The following IFT74 variants were observed in gnomAD, a reference collection of about 807,000 sequenced individuals.
IFT74 encodes intraflagellar transport protein 74 homolog.
Under a neutral mutation model 96.7 loss-of-function variants are expected in IFT74, and 92 were observed. That is an observed-to-expected ratio of 0.95 (90% CI 0.80 to 1.13). The LOEUF (loss-of-function observed/expected upper bound fraction) is 1.13. Among genes scored for constraint, IFT74 ranks in the 50% most tolerant of loss-of-function variants. The pLI, the probability that IFT74 is intolerant of heterozygous loss-of-function variation, is 0.00. For synonymous variants in IFT74, 223 were observed against 213.2 expected (o/e 1.05, Z -0.40); for missense variants, 811 against 698.2 (o/e 1.16, Z -1.82).
chr9:26,988,742 T>C lies in IFT74; in HGVS notation c.525+14T>C. ...GATTACAATATGGTAAGAAAATTTATAAAAGCAAATTGATCTATGTAAGTC... is the reference window on the plus strand; with the variant it reads ...GATTACAATATGGTAAGAAAATTTACAAAAGCAAATTGATCTATGTAAGTC... On this transcript the variant is annotated intron_variant, in intron 7 of 19. Transcript: ENST00000380062. 1 of 1,513,922 alleles carries C rather than the reference T, an allele frequency of 6.6e-7. No individual in the cohort carries two copies. Among genetic ancestry groups the C allele is most frequent in the South Asian group, 1.2e-5 (1 of 84,984 alleles). The allele number at this position is 1,513,922 out of a possible 1,614,324, so 93.8% of individuals were successfully genotyped here. A position where few individuals can be genotyped will look rare whatever the true frequency, so the allele number is the denominator to read the frequency against.
At chr9:27,007,993 A>C (rs1305222178) in intron 8 of IFT74, among the ~76,000 whole-genome samples, 1 of 152,184 alleles carries the variant, frequency 6.6e-6, no homozygotes, top group Non-Finnish European at 1.5e-5. Flanking sequence ...ATTTCTTTTG[A>C]TTACGTGATA....
chr9:27,031,544 G>A (rs1830123006), intron 13 of IFT74, among the ~76,000 whole-genome samples: 1 of 148,980 alleles, frequency 6.7e-6, no homozygotes, highest in Non-Finnish European at 1.5e-5. Flanking sequence ...AAGTCCTTCA[G>A]AGTAAATAGT....
In IFT74 at chr9:27,013,301, C is replaced by T. The variant is rs538608399; in HGVS notation, c.789+1333C>T. 5.3e-5 allele frequency among the ~76,000 whole-genome samples: 8 copies of T among 152,242 alleles called. No homozygotes were observed. In the South Asian group the frequency reaches 1.7e-3, roughly 32 times the overall value. ...ACCTCCTCATTATTTTAAATTGCTACAATGTATTATGTTGTATAATTATAA... is the reference window on the plus strand; with the variant it reads ...ACCTCCTCATTATTTTAAATTGCTATAATGTATTATGTTGTATAATTATAA... On this transcript the variant is annotated intron_variant, in intron 10 of 19. Transcript: ENST00000380062.
chr9:26,963,658 G>A (rs1402339078), intron 2 of IFT74, among the ~76,000 whole-genome samples: 1 of 151,860 alleles, frequency 6.6e-6, no homozygotes, highest in Non-Finnish European at 1.5e-5. Flanking sequence ...ATTCTAACTG[G>A]TGTGAGATGG....
intron 8 of IFT74, chr9:26,995,839 A>G: frequency 6.2e-7 from 1 of 1,602,512 alleles, no homozygotes. Context: ...TTTTTCCAAG[A>G]GGTTCATGTT....
chr9:27,025,459 A>AAAAAAAG (rs1829817034), intron 12 of IFT74, among the ~76,000 whole-genome samples: 2 of 145,792 alleles, frequency 1.4e-5, no homozygotes, highest in African/African-American at 5.1e-5. Flanking sequence ...AAAAAAAAAA[A>AAAAAAAG]AAAAGAAAAG....
chr9:26,996,717 T>C (rs1217191488), intron 8 of IFT74, among the ~76,000 whole-genome samples: 1 of 152,186 alleles, frequency 6.6e-6, no homozygotes, highest in African/African-American at 2.4e-5. Context: ...TGTTATTTAG[T>C]TTATCTGTAT....
intron 5 of IFT74, 42 bp downstream of exon 5, chr9:26,984,397 TATA>T (rs1827539801): frequency 3.2e-6 from 5 of 1,577,118 alleles, no homozygotes; most frequent in Non-Finnish European, 4.3e-6. Flanking sequence ...ATTTTGTGCT[TATA>T]ATACTAACTT....
At chr9:27,005,241 T>C (rs976893608) in intron 8 of IFT74, among the ~76,000 whole-genome samples, 2 of 152,064 alleles carry the variant, frequency 1.3e-5, no homozygotes, top group African/African-American at 4.8e-5. Flanking sequence ...GGCCAGTCTT[T>C]TTTTTATCTT....
At chr9:26,950,718 A>G (rs1378931010) in intron 1 of IFT74, among the ~76,000 whole-genome samples, 1 of 152,226 alleles carries the variant, frequency 6.6e-6, no homozygotes, top group African/African-American at 2.4e-5. Context: ...GGTGCTGCCC[A>G]ATTCATGAAT....
chr9:27,018,894 G>A (rs1319891373), intron 12 of IFT74, among the ~76,000 whole-genome samples: 1 of 152,026 alleles, frequency 6.6e-6, no homozygotes. Context: ...CATATTTAAT[G>A]TAAACAATTT....
chr9:26,984,203 C>G, intron 4 of IFT74, 54 bp from the exon 5 acceptor site: 3 of 1,422,196 alleles, frequency 2.1e-6, no homozygotes, highest in Non-Finnish European at 2.8e-6. Flanking sequence ...TTTTGCTTAA[C>G]TAGAGTTTTC....
chr9:26,995,847 G>C, intron 8 of IFT74: 1 of 1,597,822 alleles, frequency 6.3e-7, no homozygotes, highest in Admixed American at 1.7e-5. Context: ...AGAGGTTCAT[G>C]TTCTTTAATG....
intron 16 of IFT74, among the ~76,000 whole-genome samples, chr9:27,052,284 C>T (rs1193515753): frequency 3.9e-5 from 6 of 152,078 alleles, no homozygotes; most frequent in Admixed American, 6.5e-5. Flanking sequence ...CCAAGGCGGG[C>T]GGATCATCTG....
Position 27,034,721 on chromosome 9 carries a change from G to A in IFT74, c.1054+5617G>A, listed in dbSNP as rs141851221. Among the ~76,000 whole-genome samples the A allele has an allele frequency of 3.8e-3, 585 of 152,164 alleles. 5 individuals are homozygous for A. The highest frequency in any genetic ancestry group is 0.013 in the African/African-American group (560 of 41,522). The stretch of plus-strand genomic sequence containing the variant: ...TTTTTTGTATTTTTAGTAGAGATGG[G>A]GTTTCTCCATGTTGGTCAGGCTGGT... On this transcript the variant is annotated intron_variant, in intron 13 of 19. Transcript: ENST00000380062.
At chr9:27,036,546 C>A in intron 13 of IFT74, 1 of 1,608,966 alleles carries the variant, frequency 6.2e-7, no homozygotes, top group Non-Finnish European at 8.5e-7. Flanking sequence ...ATGCTGAATC[C>A]ATTTGAACTG....
chr9:26,998,666 A>G (rs1828302118), intron 8 of IFT74, among the ~76,000 whole-genome samples: 1 of 152,178 alleles, frequency 6.6e-6, no homozygotes, highest in Non-Finnish European at 1.5e-5. Context: ...AGAGCTAACA[A>G]CATTATACCT....
chr9:26,948,450 T>TATTATTATTATTA (rs201983799), intron 1 of IFT74, among the ~76,000 whole-genome samples: 541 of 31,284 alleles, frequency 0.017, 24 homozygotes, highest in South Asian at 0.056. Flanking sequence ...TTTCCATTAT[T>TATTATTATTATTA]TTTTTTTTTT....
intron 13 of IFT74, among the ~76,000 whole-genome samples, chr9:27,029,782 A>G (rs1830039034): frequency 6.6e-6 from 1 of 152,192 alleles, no homozygotes; most frequent in Non-Finnish European, 1.5e-5. Flanking sequence ...TAATAATAAT[A>G]TAGTCAACTA....
Sources: allele counts gnomAD v4.1 joint callset (sites outside exome capture counted in the v4.1 genomes callset), GRCh38; gene constraint gnomAD v4.1.1; transcripts MANE v1.5; gene names NCBI Gene and HGNC (gene_info 2026-07-23, HGNC 2026-07-21).